Variants in CD163L1 observed in about 807,000 individuals in gnomAD.
The protein encoded by CD163L1 is scavenger receptor cysteine-rich type 1 protein M160.
Under a neutral mutation model 165.4 loss-of-function variants are expected in CD163L1, and 124 were observed. That is an observed-to-expected ratio of 0.75 (90% CI 0.65 to 0.87). CD163L1 has a LOEUF of 0.87. Ranked by LOEUF, CD163L1 falls within the 40% of genes least tolerant of loss-of-function variation. The probability of loss-of-function intolerance (pLI) is 0.00; values close to 1 mark genes in which losing one functional copy is unlikely to be tolerated. For synonymous variants in CD163L1, 585 were observed against 662.2 expected (o/e 0.88, Z 1.79); for missense variants, 1,525 against 1,799.9 (o/e 0.85, Z 2.76).
chr12:7,367,612 C>T, intron 17 of CD163L1: 2 of 275,768 alleles, frequency 7.3e-6, no homozygotes, highest in Non-Finnish European at 1.4e-5. Flanking sequence ...ACTATCTTAA[C>T]CTGATGAGGT....
chr12:7,435,884 T>C (rs1291206859), intron 2 of CD163L1, among the ~76,000 whole-genome samples: 2 of 152,094 alleles, frequency 1.3e-5, no homozygotes, highest in African/African-American at 2.4e-5. Context: ...ATTATAGCCA[T>C]TGCAACAGCA....
chr12:7,334,481 G>A, the CD163L1 span, among the ~76,000 whole-genome samples: 34 of 152,254 alleles, frequency 2.2e-4, no homozygotes, highest in African/African-American at 7.5e-4. Flanking sequence ...GGTACTGATG[G>A]GATGTATCTC....
At chr12:7,343,533 G>A (rs1467358713), downstream of CD163L1, among the ~76,000 whole-genome samples, 1 of 152,128 alleles carries the variant, frequency 6.6e-6, no homozygotes, top group Non-Finnish European at 1.5e-5. Flanking sequence ...AAGGCAAAGG[G>A]AGAGCCAGCA....
At chr12:7,428,998 T>C (rs943740451) in intron 4 of CD163L1, among the ~76,000 whole-genome samples, 1 of 152,094 alleles carries the variant, frequency 6.6e-6, no homozygotes, top group Non-Finnish European at 1.5e-5. Flanking sequence ...TTTAAAAATG[T>C]AATTATATAT....
chr12:7,334,401 C>T, the CD163L1 span, among the ~76,000 whole-genome samples: 1 of 152,314 alleles, frequency 6.6e-6, no homozygotes, highest in Admixed American at 6.5e-5. Flanking sequence ...ACATGATTAT[C>T]TCAATAGATG....
chr12:7,361,837 G>A (rs773374694), intron 18 of CD163L1, among the ~76,000 whole-genome samples: 1 of 151,836 alleles, frequency 6.6e-6, no homozygotes, highest in East Asian at 1.9e-4. Context: ...TTGTGCAACC[G>A]TTACCACCAT....
rs755083069 is a variant in CD163L1, at chr12:7,369,039, G to T, written c.4040-74C>A. 8.7e-5 allele frequency: 125 copies of T among 1,444,804 alleles called. No individual in the cohort carries two copies. Among genetic ancestry groups the T allele is most frequent in the African/African-American group, 3.4e-4 (24 of 71,510 alleles). The allele number at this position is 1,444,804 out of a possible 1,614,324, so 89.5% of individuals were successfully genotyped here. Reference sequence around the variant, plus strand: ...GGGTATTTCTTTTTACATCTCCTGCGATTATCGGATGTCATTTAAATATCC... The same window carrying T: ...GGGTATTTCTTTTTACATCTCCTGCTATTATCGGATGTCATTTAAATATCC... On this transcript the variant is annotated intron_variant, in intron 15 of 19. Transcript: ENST00000313599. This position sits in a 1 kb window ranked among gnomAD's most constrained non-coding sequence, Gnocchi z 4.9.
At chr12:7,380,295 G>GTGTATACACGTATACATACATATA (rs1565783998) in intron 8 of CD163L1, among the ~76,000 whole-genome samples, 2 of 77,996 alleles carry the variant, frequency 2.6e-5, no homozygotes, top group East Asian at 8.0e-4. Flanking sequence ...GTGTGTGTGT[G>GTGTATACACGTATACATACATATA]TGTGTGTATA....
chr12:7,320,795 A>G, the CD163L1 span: 1 of 1,612,594 alleles, frequency 6.2e-7, no homozygotes, highest in South Asian at 1.1e-5. Context: ...GTGCAAAAAG[A>G]CCTTAAGAGG....
intron 4 of CD163L1, among the ~76,000 whole-genome samples, chr12:7,429,040 A>C (rs1201789764): frequency 6.6e-6 from 1 of 152,100 alleles, no homozygotes; most frequent in Admixed American, 6.6e-5. Context: ...AAATTGTTGA[A>C]CATAATCAGA....
intron 17 of CD163L1, chr12:7,367,581 T>G (rs527765118): frequency 1.3e-5 from 4 of 304,946 alleles, no homozygotes; most frequent in Non-Finnish European, 2.5e-5. Context: ...CCATTTTTCA[T>G]ACAGATGATT....
chr12:7,324,676 C>A, the CD163L1 span: 1 of 1,431,618 alleles, frequency 7.0e-7, no homozygotes, highest in Non-Finnish European at 9.7e-7. Context: ...AAGGCTGAAC[C>A]AAGAGAGGTC....
chr12:7,332,674 A>G, the CD163L1 span, among the ~76,000 whole-genome samples: 1 of 152,216 alleles, frequency 6.6e-6, no homozygotes, highest in Non-Finnish European at 1.5e-5. Context: ...TTTCATATCC[A>G]GCCAAACTAA....
Position 7,432,371 on chromosome 12 carries a change from TA to T in CD163L1, c.766+44del. On this transcript the variant is annotated intron_variant, in intron 4 of 19. Transcript: ENST00000313599. This position sits in a 1 kb window ranked among gnomAD's most constrained non-coding sequence, Gnocchi z 4.2. ...TTTTTCTTTCCATACATACTGTTTC[TA>T]AACAAATTGTTCCTTTCTTCTACAT... 1 of 1,436,712 alleles carries T rather than the reference TA, an allele frequency of 7.0e-7. No homozygotes were observed. The highest frequency in any genetic ancestry group is 9.6e-7 in the Non-Finnish European group (1 of 1,040,416). The allele number at this position is 1,436,712 out of a possible 1,614,324, so 89.0% of individuals were successfully genotyped here.
chr12:7,354,868 C>T (rs1316227569), downstream of CD163L1: 1 of 152,162 alleles, frequency 6.6e-6, no homozygotes, highest in Non-Finnish European at 1.5e-5. Context: ...CCCCAAAACT[C>T]CACTTCCTAA....
In CD163L1 at chr12:7,373,370, C is replaced by T; in HGVS notation, c.3680G>A (p.Trp1227Ter). The change falls in exon 14 of 20, where the codon TGG becomes TAG. Residue 1227 changes from tryptophan (W) to a stop codon, truncating the protein, a stop_gained. Coordinates refer to ENST00000313599, the MANE Select transcript of CD163L1 (RefSeq NM_174941.6). LOFTEE classifies it high-confidence loss of function. ...ISIWQCLSAP[W>*]ERRISSPAEE... The stretch of plus-strand genomic sequence containing the variant: ...TGCTGGGCTGGAGATTCTTCGCTCC[C>T]ATGGGGCAGACAGGCACTGCCATAT... The T allele has an allele frequency of 6.2e-7, 1 of 1,614,098 alleles. No homozygotes were observed. Among genetic ancestry groups the T allele is most frequent in the Non-Finnish European group, 8.5e-7 (1 of 1,179,958 alleles).
the CD163L1 span, chr12:7,324,470 G>C: frequency 7.4e-6 from 12 of 1,613,900 alleles, no homozygotes; most frequent in Non-Finnish European, 1.0e-5. Context: ...TGGAGGATGT[G>C]GTGGTCAAAA....
intron 2 of CD163L1, among the ~76,000 whole-genome samples, chr12:7,435,803 A>T (rs189764510): frequency 1.3e-5 from 2 of 152,244 alleles, no homozygotes; most frequent in East Asian, 3.9e-4. Flanking sequence ...TATTGACAGG[A>T]TAATAGACAA....
intron 8 of CD163L1, among the ~76,000 whole-genome samples, chr12:7,388,527 G>A (rs887324441): frequency 6.7e-6 from 1 of 150,254 alleles, no homozygotes; most frequent in Non-Finnish European, 1.5e-5. Flanking sequence ...CAGATCACTT[G>A]AGCCCGGGAG....
Sources: allele counts gnomAD v4.1 joint callset (sites outside exome capture counted in the v4.1 genomes callset), GRCh38; gene constraint gnomAD v4.1.1; non-coding constraint Gnocchi (gnomAD v3.1); transcripts MANE v1.5; gene names NCBI Gene and HGNC (gene_info 2026-07-23, HGNC 2026-07-21).